The following RC3H1 variants were observed in gnomAD, a reference collection of about 807,000 sequenced individuals.
The protein encoded by RC3H1 is roquin-1.
In RC3H1, 50 loss-of-function variants were observed where a neutral mutation model predicts 138.2. The observed-to-expected ratio is 0.36, with a 90% CI of 0.29 to 0.46. RC3H1 has a LOEUF of 0.46. RC3H1 is among the 20% of genes least tolerant of loss of function. The pLI is 1.00. For missense variants in RC3H1, 1,031 were observed against 1,388.1 expected (o/e 0.74, Z 4.09); for synonymous variants, 462 against 489.1 (o/e 0.94, Z 0.73).
chr1:173,967,359 C>T (rs1277572173), intron 9 of RC3H1, among the ~76,000 whole-genome samples: 7 of 152,030 alleles, frequency 4.6e-5, no homozygotes, highest in Admixed American at 4.6e-4. Context: ...TGTACTTGCA[C>T]CCTGTGTGAA....
intron 13 of RC3H1, among the ~76,000 whole-genome samples, chr1:173,954,954 T>C (rs1443694305): frequency 2.6e-5 from 4 of 151,986 alleles, no homozygotes; most frequent in Non-Finnish European, 4.4e-5. Flanking sequence ...AGGCTGGGTG[T>C]GGTGGCTCAC....
At chr1:173,943,948 C>G (rs1659021642) in intron 17 of RC3H1, among the ~76,000 whole-genome samples, 1 of 151,836 alleles carries the variant, frequency 6.6e-6, no homozygotes, top group Admixed American at 6.6e-5. Flanking sequence ...CACTTGAGGC[C>G]AGGAATTTGA....
chr1:174,012,230 C>CA (rs550607920), intron 1 of RC3H1, among the ~76,000 whole-genome samples: 5,079 of 138,876 alleles, frequency 0.037, 110 homozygotes, highest in Middle Eastern at 0.1. Flanking sequence ...GACTCTGTCT[C>CA]AAAAAAAAAA....
intron 9 of RC3H1, among the ~76,000 whole-genome samples, chr1:173,969,763 C>A (rs960639535): frequency 2.6e-5 from 4 of 151,610 alleles, no homozygotes; most frequent in African/African-American, 9.6e-5. Context: ...TTTTTCCTTT[C>A]TTTCTTCAAT....
At chr1:174,020,990 C>T (rs1388799061) in intron 1 of RC3H1, among the ~76,000 whole-genome samples, 2 of 152,168 alleles carry the variant, frequency 1.3e-5, no homozygotes, top group Non-Finnish European at 2.9e-5. Flanking sequence ...GCCTGGGTGA[C>T]AGAGCAAGAC....
In RC3H1 at chr1:173,962,113, G is replaced by A; in HGVS notation, c.1832-18C>T. 1 of 1,558,222 alleles carries A rather than the reference G, an allele frequency of 6.4e-7. No homozygotes were observed. The highest frequency in any genetic ancestry group is 8.7e-7 in the Non-Finnish European group (1 of 1,147,798). On this transcript the variant is annotated intron_variant, in intron 11 of 19. Coordinates refer to ENST00000367696, the MANE Select transcript of RC3H1 (RefSeq NM_172071.4). ...ATACATACCTGCACAATACAAAAGA[G>A]GACCCAAAAGCAAATAATGAGCCAA...
chr1:173,946,689 G>A, intron 16 of RC3H1, 57 bp downstream of exon 16: 1 of 1,595,312 alleles, frequency 6.3e-7, no homozygotes, highest in Non-Finnish European at 8.6e-7. Context: ...ACAAAAAGAA[G>A]TTGCCTAATT....
At chr1:173,968,856 A>ATT (rs370550482) in intron 9 of RC3H1, among the ~76,000 whole-genome samples, 33,090 of 127,962 alleles carry the variant, frequency 0.26, 7,608 homozygotes, top group African/African-American at 0.62. Flanking sequence ...AGGAATTTTG[A>ATT]TTTTTTTTTT....
intron 9 of RC3H1, among the ~76,000 whole-genome samples, chr1:173,968,708 A>T (rs1180996699): frequency 6.6e-6 from 1 of 152,152 alleles, no homozygotes; most frequent in Non-Finnish European, 1.5e-5. Flanking sequence ...TTACTAGCAG[A>T]AAATTTTGCT....
intron 9 of RC3H1, among the ~76,000 whole-genome samples, chr1:173,968,478 T>A (rs1388341176): frequency 6.6e-6 from 1 of 152,210 alleles, no homozygotes; most frequent in African/African-American, 2.4e-5. Context: ...TCCTTAATTT[T>A]AACTTATTTT....
chr1:173,963,538 T>C (rs1659969015), intron 11 of RC3H1, among the ~76,000 whole-genome samples: 1 of 152,144 alleles, frequency 6.6e-6, no homozygotes. Flanking sequence ...CATTTTTTCA[T>C]ATATATTACA....
intron 7 of RC3H1, among the ~76,000 whole-genome samples, chr1:173,975,302 G>A (rs1353018707): frequency 1.3e-5 from 2 of 151,972 alleles, no homozygotes; most frequent in African/African-American, 4.8e-5. Flanking sequence ...CACCATGTTG[G>A]CCAGGATGGT....
chr1:173,991,624 T>C (rs1571231413), intron 2 of RC3H1, among the ~76,000 whole-genome samples: 1 of 152,336 alleles, frequency 6.6e-6, no homozygotes, highest in Non-Finnish European at 1.5e-5. Context: ...TCCTTTGGGT[T>C]GAAGAAGTTT....
rs1659087752 is a variant in RC3H1 at position 173,945,354 on chromosome 1, G to A, written c.2961+1122C>T. Among the ~76,000 whole-genome samples, 5 of 152,282 alleles carry A rather than the reference G, an allele frequency of 3.3e-5. No individual in the cohort carries two copies. The South Asian group carries it at 1.0e-3, about 32-fold the overall frequency. On this transcript the variant is annotated intron_variant, in intron 17 of 19. Coordinates refer to ENST00000367696, the MANE Select transcript of RC3H1 (RefSeq NM_172071.4). ...TTGCCCAGGCTGGTCTCAAACTCCT[G>A]AGCTCAAGCAATCCATCTGCTCTGG...
intron 7 of RC3H1, among the ~76,000 whole-genome samples, chr1:173,977,988 T>C (rs1034711590): frequency 2.6e-5 from 4 of 152,148 alleles, no homozygotes; most frequent in Non-Finnish European, 5.9e-5. Context: ...ATAACTTAGA[T>C]GTAAGTGCAA....
chr1:173,995,534 AAAAAAAAAAAAAAAG>A (rs1424607010), intron 1 of RC3H1, among the ~76,000 whole-genome samples: 1 of 133,200 alleles, frequency 7.5e-6, no homozygotes, highest in East Asian at 2.0e-4. Flanking sequence ...ACTCCATCTC[AAAAAAAAAAAAAAAG>A]AAAAAGAAAA....
intron 2 of RC3H1, among the ~76,000 whole-genome samples, chr1:173,991,132 A>C (rs948892555): frequency 6.6e-6 from 1 of 152,236 alleles, no homozygotes; most frequent in South Asian, 2.1e-4. Context: ...TGGGAGGCTA[A>C]GGCATGAGAA....
intron 17 of RC3H1, among the ~76,000 whole-genome samples, chr1:173,944,598 T>A (rs1659056270): frequency 6.6e-6 from 1 of 152,102 alleles, no homozygotes; most frequent in Non-Finnish European, 1.5e-5. Flanking sequence ...CAAAAAACCA[T>A]GCATTTGAAG....
intron 2 of RC3H1, among the ~76,000 whole-genome samples, chr1:173,985,207 CATT>C (rs1324092308): frequency 6.6e-6 from 1 of 152,304 alleles, no homozygotes; most frequent in Non-Finnish European, 1.5e-5. Context: ...ACACAATCAT[CATT>C]GACAGACATA....
Sources: gnomAD v4.1 joint callset for allele counts (sites outside exome capture counted in the v4.1 genomes callset) on GRCh38, gnomAD v4.1.1 for gene constraint, MANE v1.5 for transcripts, NCBI Gene and HGNC (gene_info 2026-07-23, HGNC 2026-07-21) for gene names.